TEX9: variants seen among roughly 807,000 people sequenced by gnomAD.
TEX9 encodes the protein testis-expressed protein 9.
A neutral mutation model predicts 59.6 loss-of-function variants in TEX9; 74 were observed. The ratio of observed to expected loss-of-function variants is 1.24; its 90% CI spans 1.03 to 1.51. TEX9 has a LOEUF of 1.51. Among genes scored for constraint, TEX9 ranks in the 40% most tolerant of loss-of-function variants. The pLI, the probability that TEX9 is intolerant of heterozygous loss-of-function variation, is 0.00. For synonymous variants in TEX9, 186 were observed against 152.2 expected, an observed-to-expected ratio of 1.22 and a Z score of -1.64; for missense variants, 522 against 447.8, an observed-to-expected ratio of 1.17 and a Z score of -1.49.
At chr15:56,272,738 TA>T (rs1411223185) in intron 1 of TEX9, among the ~76,000 whole-genome samples, 3 of 152,100 alleles carry the variant, frequency 2.0e-5, no homozygotes, top group Non-Finnish European at 2.9e-5. Flanking sequence ...AGATTTGACT[TA>T]AAAAAATGTA....
chr15:56,429,037 A>AAAGTT, intron 12 of TEX9: 6 of 1,066,332 alleles, frequency 5.6e-6, no homozygotes, highest in Non-Finnish European at 8.1e-6. Context: ...CTGTAAAACA[A>AAAGTT]AAGTTATGCT....
rs1596107373 is a variant in TEX9, at chr15:56,347,254, A to G, written c.-106-26187A>G. Among the ~76,000 whole-genome samples, 3 of 152,300 alleles carry G rather than the reference A, an allele frequency of 2.0e-5. No homozygotes were observed. The South Asian group carries it at 6.2e-4, about 32-fold the overall frequency. The stretch of plus-strand genomic sequence containing the variant: ...TATTCTAAAATTTGAATGAAAATCC[A>G]GGGGAACTAAAACAGGTTAAAAGTT... On this transcript the variant is annotated intron_variant, in intron 1 of 5. Coordinates refer to the TEX9 transcript ENST00000560827.
At chr15:56,349,585 A>G (rs1477487223) in intron 1 of TEX9, among the ~76,000 whole-genome samples, 3 of 152,046 alleles carry the variant, frequency 2.0e-5, no homozygotes, top group Non-Finnish European at 4.4e-5. Flanking sequence ...AAAATAGGAA[A>G]CCCACACCCT....
intron 1 of TEX9, among the ~76,000 whole-genome samples, chr15:56,331,082 G>A (rs1459771975): frequency 6.6e-6 from 1 of 152,116 alleles, no homozygotes; most frequent in Non-Finnish European, 1.5e-5. Flanking sequence ...AGATACAAGG[G>A]TCAATTCAGT....
chr15:56,428,961 CA>C (rs2050463928), intron 12 of TEX9: 1 of 565,780 alleles, frequency 1.8e-6, no homozygotes, highest in African/African-American at 2.0e-5. Context: ...TAATTGTTTA[CA>C]AGTTATGAAA....
At chr15:56,264,994 G>T (rs1380324362) in intron 1 of TEX9, among the ~76,000 whole-genome samples, 1 of 152,028 alleles carries the variant, frequency 6.6e-6, no homozygotes, top group Admixed American at 6.6e-5. Flanking sequence ...CCTCTGTCTT[G>T]GTTACTTGAT....
chr15:56,263,700 G>A (rs77236819), intron 1 of TEX9, among the ~76,000 whole-genome samples: 8,950 of 152,084 alleles, frequency 0.059, 663 homozygotes, highest in East Asian at 0.37. Context: ...GTGCCCTTTT[G>A]AAATCAGCCC....
chr15:56,457,087 T>G, the TEX9 span, among the ~76,000 whole-genome samples: 2 of 152,164 alleles, frequency 1.3e-5, no homozygotes, highest in Non-Finnish European at 2.9e-5. Context: ...TGCATCTAAT[T>G]ATTATTTTTC....
chr15:56,338,823 C>G (rs184231056), intron 1 of TEX9, among the ~76,000 whole-genome samples: 1 of 151,980 alleles, frequency 6.6e-6, no homozygotes, highest in South Asian at 2.1e-4. Context: ...GAAGTTGAGG[C>G]AGGAGAATCA....
chr15:56,437,721 T>C (rs1324358860), intron 12 of TEX9, among the ~76,000 whole-genome samples: 8 of 152,124 alleles, frequency 5.3e-5, no homozygotes, highest in African/African-American at 1.7e-4. Flanking sequence ...AAAACCCCAT[T>C]GTCTCAGCCC....
At chr15:56,273,637 ATACT>A (rs1183686611) in intron 1 of TEX9, among the ~76,000 whole-genome samples, 10 of 152,300 alleles carry the variant, frequency 6.6e-5, no homozygotes, top group African/African-American at 2.4e-4. Context: ...AATTTCTGTA[ATACT>A]TCTGTTTATT....
chr15:56,368,070 T>C (rs2047026502), intron 2 of TEX9, among the ~76,000 whole-genome samples: 1 of 152,230 alleles, frequency 6.6e-6, no homozygotes, highest in African/African-American at 2.4e-5. Flanking sequence ...TCCTTGTTTA[T>C]GATTTTGAGA....
intron 1 of TEX9, among the ~76,000 whole-genome samples, chr15:56,355,446 C>A (rs1294628863): frequency 1.3e-5 from 2 of 152,090 alleles, no homozygotes; most frequent in African/African-American, 4.8e-5. Flanking sequence ...GGGTCTACAT[C>A]TGGACTGTCT....
chr15:56,401,770 C>T (rs1438490055), intron 9 of TEX9, among the ~76,000 whole-genome samples: 1 of 152,096 alleles, frequency 6.6e-6, no homozygotes, highest in Non-Finnish European at 1.5e-5. Context: ...ACAGAAATCA[C>T]AACAAACTGT....
At chr15:56,265,031 A>C (rs896455163) in intron 1 of TEX9, among the ~76,000 whole-genome samples, 2 of 152,156 alleles carry the variant, frequency 1.3e-5, no homozygotes, top group African/African-American at 4.8e-5. Flanking sequence ...ATCTTGTAGT[A>C]AGTCCTCCAA....
intron 1 of TEX9, among the ~76,000 whole-genome samples, chr15:56,268,213 G>C (rs1353836064): frequency 9.2e-5 from 14 of 152,184 alleles, no homozygotes; most frequent in Admixed American, 9.2e-4. Flanking sequence ...ATCAGCTTAA[G>C]GAGATTTTGG....
chr15:56,452,593 A>C, the TEX9 span, among the ~76,000 whole-genome samples: 1 of 148,384 alleles, frequency 6.7e-6, no homozygotes, highest in Admixed American at 6.8e-5. Flanking sequence ...ATCTTGGCTC[A>C]CTGCAAGCTC....
chr15:56,368,191 A>G (rs1445107156), intron 2 of TEX9, among the ~76,000 whole-genome samples: 1 of 152,104 alleles, frequency 6.6e-6, no homozygotes, highest in Non-Finnish European at 1.5e-5. Context: ...TGAGTGTTAA[A>G]TGTATCAAAA....
Position 56,365,657 on chromosome 15 carries a change from G to T in TEX9, c.106G>T (p.Glu36Ter). The change falls in exon 2 of 13, where the codon GAG (glutamate) becomes TAG (stop). Residue 36 changes from glutamate to a stop codon, truncating the protein, a stop_gained. Transcript: ENST00000352903. LOFTEE classifies it high-confidence loss of function. ...ACCTGGACCCGACCTCCTCGCCTTG[G>T]AGGAAGAATATAAGTAAGAAATTCG... The T allele has an allele frequency of 6.2e-7, 1 of 1,614,122 alleles. No homozygotes were observed. The highest frequency in any genetic ancestry group is 1.3e-5 in the African/African-American group (1 of 75,054).
Sources: allele counts gnomAD v4.1 joint callset (sites outside exome capture counted in the v4.1 genomes callset), GRCh38; gene constraint gnomAD v4.1.1; transcripts MANE v1.5; gene names NCBI Gene and HGNC (gene_info 2026-07-23, HGNC 2026-07-21).